MED13L: variants seen among roughly 807,000 people sequenced by gnomAD.
The protein encoded by MED13L is mediator of RNA polymerase II transcription subunit 13-like.
A neutral mutation model predicts 220.9 loss-of-function variants in MED13L; 7 were observed. The ratio of observed to expected loss-of-function variants is 0.03; its 90% CI spans 0.02 to 0.06. MED13L has a LOEUF of 0.06. Ranked by LOEUF, MED13L falls within the 10% of genes least tolerant of loss-of-function variation. The probability of loss-of-function intolerance (pLI) is 1.00; values close to 1 mark genes in which losing one functional copy is unlikely to be tolerated. For synonymous variants in MED13L, 1,011 were observed against 1,015.2 expected (o/e 1.00, Z 0.08); for missense variants, 1,965 against 2,760.5 (o/e 0.71, Z 6.46).
At chr12:116,257,594 G>C (rs1025486083) in intron 1 of MED13L, among the ~76,000 whole-genome samples, 1 of 152,166 alleles carries the variant, frequency 6.6e-6, no homozygotes, top group Admixed American at 6.5e-5. Context: ...AACCAAATCA[G>C]TTGTAAAATG....
At chr12:116,118,638 C>G (rs1874733048) in intron 2 of MED13L, among the ~76,000 whole-genome samples, 1 of 152,052 alleles carries the variant, frequency 6.6e-6, no homozygotes. Flanking sequence ...TTCTCATGAT[C>G]AGAGTTTCCA....
chr12:116,250,025 TAAAAAAAAAAA>T (rs71095516), intron 1 of MED13L, among the ~76,000 whole-genome samples: 703 of 40,510 alleles, frequency 0.017, 20 homozygotes, highest in South Asian at 0.057. Context: ...CAGCATAAAC[TAAAAAAAAAAA>T]AAAAAAAAAA....
intron 2 of MED13L, among the ~76,000 whole-genome samples, chr12:116,204,733 C>G (rs1035359247): frequency 1.3e-4 from 20 of 152,248 alleles, no homozygotes; most frequent in South Asian, 1.2e-3. Context: ...GGCTCCTGCC[C>G]TTTATCCTAA....
chr12:116,107,763 C>T (rs999796516), intron 3 of MED13L, among the ~76,000 whole-genome samples: 1 of 152,212 alleles, frequency 6.6e-6, no homozygotes, highest in Admixed American at 6.5e-5. Flanking sequence ...CACAAACACT[C>T]TCCAAGTGAT....
intron 1 of MED13L, among the ~76,000 whole-genome samples, chr12:116,259,378 G>A (rs1375335018): frequency 1.3e-5 from 2 of 151,884 alleles, no homozygotes; most frequent in African/African-American, 2.4e-5. Flanking sequence ...GTAGAATTGT[G>A]GGAACATAAC....
Position 115,959,048 on chromosome 12 carries a change from G to T in MED13L, c.*2218C>A, listed in dbSNP as rs1187188046. On this transcript the variant is annotated 3_prime_UTR_variant, in exon 31 of 31. Transcript: ENST00000281928. ...ACTTCTCACTCTGTAGCAAATCCAG[G>T]GCTTGTACATTTCAGATTAATTCAG... is the stretch of plus-strand genomic sequence containing the variant. 1.3e-5 allele frequency: 2 copies of T among 152,208 alleles called. No individual in the cohort carries two copies. The highest frequency in any genetic ancestry group is 6.6e-5 in the Admixed American group (1 of 15,240). 9.4% of individuals were successfully genotyped at this position (152,208 alleles called of 1,614,324 possible). A position where few individuals can be genotyped will look rare whatever the true frequency, so the allele number is the denominator to read the frequency against.
At chr12:116,049,439 G>A (rs141194386) in intron 4 of MED13L, among the ~76,000 whole-genome samples, 59 of 152,184 alleles carry the variant, frequency 3.9e-4, no homozygotes, top group African/African-American at 1.4e-3. Context: ...TTAATACTGA[G>A]TACACTTCTT....
chr12:116,005,322 T>C (rs1309417329), intron 13 of MED13L, among the ~76,000 whole-genome samples: 2 of 152,212 alleles, frequency 1.3e-5, no homozygotes, highest in Non-Finnish European at 2.9e-5. Flanking sequence ...CTCCAAAGAA[T>C]TATAATAATT....
intron 23 of MED13L, among the ~76,000 whole-genome samples, chr12:115,979,691 T>C (rs570585941): frequency 2.0e-5 from 3 of 152,322 alleles, no homozygotes; most frequent in South Asian, 2.1e-4. Flanking sequence ...AAAATAGCAA[T>C]TGGTGTTTTA....
chr12:116,131,958 G>C (rs1876103153), intron 2 of MED13L, among the ~76,000 whole-genome samples: 1 of 152,090 alleles, frequency 6.6e-6, no homozygotes, highest in South Asian at 2.1e-4. Flanking sequence ...ACTCCAACCT[G>C]GGTGGCAGAG....
chr12:116,019,967 C>T lies in MED13L; in HGVS notation c.631G>A (p.Val211Ile), dbSNP rs1345974378. 7 of 1,612,980 alleles carry T rather than the reference C, an allele frequency of 4.3e-6. No individual in the cohort carries two copies. Among genetic ancestry groups the T allele is most frequent in the Non-Finnish European group, 5.9e-6 (7 of 1,179,348 alleles). Residue 211 changes from valine (V) to isoleucine (I), a missense_variant, in exon 6 of 31, where the codon GTA becomes ATA. By Grantham distance (29) the Val-to-Ile change is conservative. This residue lies in a region of MED13L where 818 missense variants were observed against 1,041.2 expected (regional missense o/e 0.79). Transcript: ENST00000281928. ...GTCCCATTTAAGCCATAAGGACTTA[C>T]CAGTACTATGGAGGGGAGGAGAAAT... ...QSSPAPFQVL[V>I]SPYGLNGTLT...
intron 4 of MED13L, among the ~76,000 whole-genome samples, chr12:116,057,429 A>C (rs1869067538): frequency 6.6e-6 from 1 of 152,032 alleles, no homozygotes; most frequent in African/African-American, 2.4e-5. Flanking sequence ...AATTAGCTGC[A>C]TTATGGGTGG....
chr12:116,038,769 AAAG>A (rs1195017663), intron 4 of MED13L, among the ~76,000 whole-genome samples: 1 of 147,118 alleles, frequency 6.8e-6, no homozygotes, highest in African/African-American at 2.5e-5. Context: ...AAAAAAAAAA[AAAG>A]GAGAACCTGC....
intron 23 of MED13L, among the ~76,000 whole-genome samples, chr12:115,980,239 AAG>A (rs1877232054): frequency 6.6e-6 from 1 of 152,214 alleles, no homozygotes; most frequent in Non-Finnish European, 1.5e-5. Flanking sequence ...AAAAAACAGT[AAG>A]AATTTGCTTG....
chr12:116,050,949 A>AC (rs199879993), intron 4 of MED13L, among the ~76,000 whole-genome samples: 13 of 151,720 alleles, frequency 8.6e-5, no homozygotes, highest in Admixed American at 1.3e-4. Flanking sequence ...AACAACAACA[A>AC]AAAAAAAAAC....
chr12:116,017,880 T>C (rs1879821949), intron 7 of MED13L, among the ~76,000 whole-genome samples: 1 of 151,948 alleles, frequency 6.6e-6, no homozygotes, highest in African/African-American at 2.4e-5. Flanking sequence ...CTTTCCAAAA[T>C]GATGGGATTA....
intron 2 of MED13L, among the ~76,000 whole-genome samples, chr12:116,189,048 C>T (rs1287396490): frequency 6.6e-6 from 1 of 152,152 alleles, no homozygotes; most frequent in African/African-American, 2.4e-5. Flanking sequence ...CACAAACATA[C>T]GTTTTCACTT....
intron 1 of MED13L, among the ~76,000 whole-genome samples, chr12:116,250,970 G>A (rs1412393088): frequency 6.6e-6 from 1 of 151,626 alleles, no homozygotes; most frequent in Non-Finnish European, 1.5e-5. Context: ...AAATAAAGAA[G>A]TTTAATATTA....
chr12:116,201,551 A>T (rs1179405942), intron 2 of MED13L, among the ~76,000 whole-genome samples: 1 of 152,222 alleles, frequency 6.6e-6, no homozygotes, highest in Non-Finnish European at 1.5e-5. Context: ...AAGGTAACTT[A>T]TGTGCACAGT....
Sources: allele counts gnomAD v4.1 joint callset (sites outside exome capture counted in the v4.1 genomes callset), GRCh38; gene constraint gnomAD v4.1.1; regional missense constraint gnomAD v4.1.1; transcripts MANE v1.5; gene names NCBI Gene and HGNC (gene_info 2026-07-23, HGNC 2026-07-21).